The following OR1J2 variants were observed in gnomAD, a reference collection of about 807,000 sequenced individuals.
OR1J2 encodes the protein olfactory receptor family 1 subfamily J member 2, also known as olfactory receptor 1J2.
For missense variants in OR1J2, 304 were observed against 246.1 expected (o/e 1.24, Z -1.57); for synonymous variants, 142 against 99.7 (o/e 1.42, Z -2.52).
chr9:122,486,281 A>T, the OR1J2 span, among the ~76,000 whole-genome samples: 1 of 152,136 alleles, frequency 6.6e-6, no homozygotes. Context: ...TCTGATCCTC[A>T]CTTTGGAGAG....
downstream of OR1J2, among the ~76,000 whole-genome samples, chr9:122,516,458 T>C (rs868117602): frequency 2.9e-4 from 44 of 151,798 alleles, 1 homozygote; most frequent in South Asian, 2.3e-3. Flanking sequence ...CGCCCGCCAC[T>C]ACGCCCGGCT....
chr9:122,497,596 T>A, the OR1J2 span, among the ~76,000 whole-genome samples: 1 of 152,136 alleles, frequency 6.6e-6, no homozygotes, highest in Non-Finnish European at 1.5e-5. Flanking sequence ...TTGGTATTTT[T>A]TATTCTTTCA....
the OR1J2 span, among the ~76,000 whole-genome samples, chr9:122,459,422 C>T: frequency 7.6e-3 from 1,157 of 152,184 alleles, 11 homozygotes; most frequent in African/African-American, 0.027. Context: ...GCAATAATTC[C>T]GATAAGATGC....
chr9:122,513,295 T>C (rs1828661757), downstream of OR1J2, among the ~76,000 whole-genome samples: 1 of 152,240 alleles, frequency 6.6e-6, no homozygotes, highest in Non-Finnish European at 1.5e-5. Context: ...GCATTGGTGA[T>C]GGCTTAAACT....
the OR1J2 span, among the ~76,000 whole-genome samples, chr9:122,536,180 G>A: frequency 6.6e-6 from 1 of 152,124 alleles, no homozygotes; most frequent in Non-Finnish European, 1.5e-5. Context: ...CACAGTCAAT[G>A]GCAAAAATGA....
the OR1J2 span, among the ~76,000 whole-genome samples, chr9:122,522,674 T>C: frequency 6.6e-6 from 1 of 152,134 alleles, no homozygotes; most frequent in South Asian, 2.1e-4. Context: ...ATACTAAAAA[T>C]AGTAAAACAT....
At chr9:122,490,046 C>T in the OR1J2 span, among the ~76,000 whole-genome samples, 3 of 152,172 alleles carry the variant, frequency 2.0e-5, no homozygotes, top group Non-Finnish European at 2.9e-5. Context: ...CAACAGTGCA[C>T]GGCTGAGCAA....
chr9:122,459,524 T>A, the OR1J2 span, among the ~76,000 whole-genome samples: 1 of 152,228 alleles, frequency 6.6e-6, no homozygotes, highest in Non-Finnish European at 1.5e-5. Flanking sequence ...GAACTCTGTT[T>A]CTAAGCAGCT....
the OR1J2 span, among the ~76,000 whole-genome samples, chr9:122,463,028 T>G: frequency 6.6e-6 from 1 of 152,204 alleles, no homozygotes; most frequent in Admixed American, 6.5e-5. Flanking sequence ...TTCCAAACTT[T>G]TAGATTTCTC....
the OR1J2 span, chr9:122,527,027 G>T: frequency 6.2e-7 from 1 of 1,614,162 alleles, no homozygotes; most frequent in South Asian, 1.1e-5. Flanking sequence ...TATAGGAGAT[G>T]GTGTGATGCC....
chr9:122,513,264 A>C (rs949230037), downstream of OR1J2, among the ~76,000 whole-genome samples: 1 of 152,230 alleles, frequency 6.6e-6, no homozygotes, highest in Non-Finnish European at 1.5e-5. Context: ...GCTAATTACT[A>C]TGTAAGCAGT....
the OR1J2 span, among the ~76,000 whole-genome samples, chr9:122,488,868 A>ATTG: frequency 6.6e-6 from 1 of 151,636 alleles, no homozygotes; most frequent in African/African-American, 2.4e-5. Context: ...TTTAAAATTT[A>ATTG]TTATACTCTA....
At chr9:122,527,122 A>C in the OR1J2 span, 1 of 1,614,232 alleles carries the variant, frequency 6.2e-7, no homozygotes, top group Non-Finnish European at 8.5e-7. Flanking sequence ...AAGAAAAAGT[A>C]CATGGGGGTG....
chr9:122,547,118 A>AT, the OR1J2 span, among the ~76,000 whole-genome samples: 1 of 66,124 alleles, frequency 1.5e-5, no homozygotes, highest in Non-Finnish European at 2.9e-5. Flanking sequence ...AGTGAGCCAC[A>AT]TAAAAAAATA....
chr9:122,505,430 A>G, the OR1J2 span, among the ~76,000 whole-genome samples: 1 of 152,158 alleles, frequency 6.6e-6, no homozygotes. Context: ...CCATTAATCT[A>G]TGAATGGATA....
At chr9:122,568,557 C>A in the OR1J2 span, 1 of 837,870 alleles carries the variant, frequency 1.2e-6, no homozygotes, top group Non-Finnish European at 1.9e-6. Flanking sequence ...GAGAACCTAG[C>A]AAGTCTTTGT....
chr9:122,495,661 T>C, the OR1J2 span, among the ~76,000 whole-genome samples: 10 of 152,182 alleles, frequency 6.6e-5, no homozygotes, highest in African/African-American at 2.2e-4. Flanking sequence ...AGCTTAATAA[T>C]CGAACTCCTG....
At chr9:122,536,692 A>G in the OR1J2 span, among the ~76,000 whole-genome samples, 7 of 152,184 alleles carry the variant, frequency 4.6e-5, no homozygotes, top group African/African-American at 1.7e-4. Context: ...ATAGCCCAGG[A>G]ATGTCTTTCT....
the OR1J2 span, among the ~76,000 whole-genome samples, chr9:122,550,529 C>T: frequency 3.3e-5 from 5 of 149,670 alleles, no homozygotes; most frequent in East Asian, 9.8e-4. Context: ...TCCAACAGCA[C>T]ATCAAAAAGA....
Sources: allele counts gnomAD v4.1 joint callset (sites outside exome capture counted in the v4.1 genomes callset), GRCh38; gene constraint gnomAD v4.1.1; transcripts MANE v1.5; gene names NCBI Gene and HGNC (gene_info 2026-07-23, HGNC 2026-07-21).